C16orf78: variants seen among roughly 807,000 people sequenced by gnomAD.
The protein encoded by C16orf78 is uncharacterized protein C16orf78.
A neutral mutation model predicts 27.3 loss-of-function variants in C16orf78; 19 were observed. The ratio of observed to expected loss-of-function variants is 0.70; its 90% CI spans 0.49 to 1.02. The LOEUF is 1.02. Among genes scored for constraint, C16orf78 ranks in the 50% least tolerant of loss-of-function variants. C16orf78 has a pLI of 0.00. For missense variants in C16orf78, 339 were observed against 337.0 expected (o/e 1.01, Z -0.05); for synonymous variants, 130 against 116.1 (o/e 1.12, Z -0.77).
At chr16:49,374,740 C>A (rs958234636) in intron 1 of C16orf78, among the ~76,000 whole-genome samples, 8 of 152,212 alleles carry the variant, frequency 5.3e-5, no homozygotes, top group Non-Finnish European at 1.0e-4. Flanking sequence ...TAACATACCT[C>A]CTCTTTTCTA....
At chr16:49,392,336 C>A (rs1301991085) in intron 3 of C16orf78, among the ~76,000 whole-genome samples, 1 of 152,176 alleles carries the variant, frequency 6.6e-6, no homozygotes, top group Non-Finnish European at 1.5e-5. Context: ...TTTTTATCAG[C>A]CATACATTCC....
At chr16:49,396,800 C>T (rs1311687929) in intron 4 of C16orf78, 122 bp downstream of exon 4, 2 of 1,305,026 alleles carry the variant, frequency 1.5e-6, no homozygotes, top group African/African-American at 3.0e-5. Context: ...CTTGGTGTGG[C>T]TGAGCTCCGC....
chr16:49,376,390 A>G (rs893192083), intron 1 of C16orf78, among the ~76,000 whole-genome samples: 2 of 152,150 alleles, frequency 1.3e-5, no homozygotes, highest in Non-Finnish European at 2.9e-5. Context: ...CTTCCCCAAA[A>G]TGGGGGCTGT....
At chr16:49,384,659 G>A (rs994200896) in intron 3 of C16orf78, among the ~76,000 whole-genome samples, 6 of 152,166 alleles carry the variant, frequency 3.9e-5, no homozygotes, top group Admixed American at 3.9e-4. Flanking sequence ...TCCCAAATTT[G>A]AGGAAAGAGA....
At chr16:49,376,237 C>T (rs1965215930) in intron 1 of C16orf78, among the ~76,000 whole-genome samples, 1 of 152,216 alleles carries the variant, frequency 6.6e-6, no homozygotes, top group African/African-American at 2.4e-5. Context: ...CCCCAACAGA[C>T]TGCTCATGGT....
Position 49,396,685 on chromosome 16 carries a change from G to T in C16orf78, c.650+7G>T. On this transcript the variant is annotated splice_region_variant and intron_variant, in intron 4 of 4. Transcript: ENST00000299191. ...AGGAGGTGCTGAGCTGCCGGTGAGAGCTGCCACCCCCTGGGCAGATGGGGT... is the reference window on the plus strand; with the variant it reads ...AGGAGGTGCTGAGCTGCCGGTGAGATCTGCCACCCCCTGGGCAGATGGGGT... The T allele has an allele frequency of 6.2e-7, 1 of 1,604,440 alleles. No individual in the cohort carries two copies. The highest frequency in any genetic ancestry group is 8.5e-7 in the Non-Finnish European group (1 of 1,179,686).
At chr16:49,378,615 C>T (rs768727180) in intron 3 of C16orf78, 22 bp downstream of exon 3, 20 of 1,609,102 alleles carry the variant, frequency 1.2e-5, no homozygotes, top group African/African-American at 5.3e-5. Context: ...ACCTTGGCCC[C>T]GGCCACCAGA....
At chr16:49,385,849 G>A (rs1469555878) in intron 3 of C16orf78, among the ~76,000 whole-genome samples, 3 of 152,070 alleles carry the variant, frequency 2.0e-5, no homozygotes, top group East Asian at 3.8e-4. Flanking sequence ...CAAAATGACA[G>A]TAAGTTTTTA....
At chr16:49,398,505 C>T (rs998678100) in intron 4 of C16orf78, among the ~76,000 whole-genome samples, 11 of 152,176 alleles carry the variant, frequency 7.2e-5, no homozygotes, top group African/African-American at 2.4e-4. Context: ...AAATGCTCAC[C>T]GCTATGCCTG....
intron 3 of C16orf78, among the ~76,000 whole-genome samples, chr16:49,389,754 T>A (rs532716226): frequency 4.6e-5 from 7 of 152,320 alleles, no homozygotes; most frequent in African/African-American, 1.7e-4. Flanking sequence ...TGCCACACAT[T>A]ATATTTTTCC....
rs762926222 is a variant in C16orf78 at position 49,396,682 on chromosome 16, A to G, written c.650+4A>G. ...CAGAGGAGGTGCTGAGCTGCCGGTG[A>G]GAGCTGCCACCCCCTGGGCAGATGG... On this transcript the variant is annotated splice_donor_region_variant and intron_variant, in intron 4 of 4. Transcript: ENST00000299191. The G allele has an allele frequency of 1.9e-6, 3 of 1,604,876 alleles. No homozygotes were observed. Among genetic ancestry groups the G allele is most frequent in the East Asian group, 4.5e-5 (2 of 44,858 alleles).
intron 1 of C16orf78, among the ~76,000 whole-genome samples, chr16:49,375,594 A>G (rs1965206419): frequency 6.6e-6 from 1 of 152,192 alleles, no homozygotes. Context: ...CTATGATCTA[A>G]TCACCTCCCA....
At chr16:49,380,324 C>T (rs572405314) in intron 3 of C16orf78, among the ~76,000 whole-genome samples, 4 of 152,140 alleles carry the variant, frequency 2.6e-5, no homozygotes, top group South Asian at 4.1e-4. Context: ...TTCTGACCCT[C>T]GATGGAACCT....
At chr16:49,393,397 T>A (rs1432836449) in intron 3 of C16orf78, among the ~76,000 whole-genome samples, 1 of 152,148 alleles carries the variant, frequency 6.6e-6, no homozygotes, top group Non-Finnish European at 1.5e-5. Context: ...GTGTGCTTTG[T>A]CATAAAAAAA....
At chr16:49,393,775 T>G (rs915366269) in intron 3 of C16orf78, among the ~76,000 whole-genome samples, 4 of 152,038 alleles carry the variant, frequency 2.6e-5, no homozygotes, top group African/African-American at 9.7e-5. Context: ...AGATCAAAAG[T>G]TGTTAAAAGG....
chr16:49,377,991 A>C, intron 2 of C16orf78, 141 bp downstream of exon 2: 25 of 1,208,140 alleles, frequency 2.1e-5, no homozygotes, highest in South Asian at 3.2e-5. Context: ...ATTAACACTC[A>C]AATAAAATCT....
At chr16:49,393,035 C>T in intron 3 of C16orf78, among the ~76,000 whole-genome samples, 1 of 152,218 alleles carries the variant, frequency 6.6e-6, no homozygotes, top group East Asian at 1.9e-4. Flanking sequence ...ATGTCCCTTG[C>T]TCTTCTGCCA....
chr16:49,397,045 T>A (rs920335455), intron 4 of C16orf78, among the ~76,000 whole-genome samples: 1 of 152,232 alleles, frequency 6.6e-6, no homozygotes, highest in Non-Finnish European at 1.5e-5. Flanking sequence ...TGGGGTTGAG[T>A]TGCTGGTGAT....
At chr16:49,394,313 C>T (rs1022438405) in intron 3 of C16orf78, among the ~76,000 whole-genome samples, 4 of 152,010 alleles carry the variant, frequency 2.6e-5, no homozygotes, top group African/African-American at 9.7e-5. Context: ...CAAACATACT[C>T]AATGTATGAA....
Sources: allele counts gnomAD v4.1 joint callset (sites outside exome capture counted in the v4.1 genomes callset), GRCh38; gene constraint gnomAD v4.1.1; transcripts MANE v1.5; gene names NCBI Gene and HGNC (gene_info 2026-07-23, HGNC 2026-07-21).